Variants in SPATA6L observed in about 807,000 individuals in gnomAD.
The protein encoded by SPATA6L is spermatogenesis associated 6 like, also known as spermatogenesis associated 6-like protein.
SPATA6L carries 68 observed loss-of-function variants against 49.2 expected under a neutral mutation model. The observed-to-expected ratio is 1.38, with a 90% confidence interval of 1.14 to 1.69. The LOEUF is 1.69. Among genes scored for constraint, SPATA6L ranks in the 40% most tolerant of loss-of-function variants. The pLI, the probability that SPATA6L is intolerant of heterozygous loss-of-function variation, is 0.00. For synonymous variants in SPATA6L, 198 were observed against 165.7 expected (o/e 1.19, Z -1.50); for missense variants, 668 against 464.3 (o/e 1.44, Z -4.03).
intron 6 of SPATA6L, 72 bp from the exon 7 acceptor site, chr9:4,622,582 G>T: frequency 9.6e-7 from 1 of 1,038,414 alleles, no homozygotes; most frequent in Non-Finnish European, 1.5e-6. Flanking sequence ...TTACCGGAAT[G>T]CCTGTCTCCC....
chr9:4,620,452 T>A lies in SPATA6L; in HGVS notation c.773-1554A>T, dbSNP rs544816867. Among the ~76,000 whole-genome samples the A allele has an allele frequency of 2.6e-5, 4 of 152,278 alleles. No homozygotes were observed. In the South Asian group the frequency reaches 8.3e-4, roughly 32 times the overall value. ...CTGGAAGCTTGTTAGAAAAGGAGAATCCTAAGCTCCACCCCAGCCCTACTG... is the reference window on the plus strand; with the variant it reads ...CTGGAAGCTTGTTAGAAAAGGAGAAACCTAAGCTCCACCCCAGCCCTACTG... On this transcript the variant is annotated intron_variant, in intron 7 of 11. Transcript: ENST00000682582.
intron 3 of SPATA6L, among the ~76,000 whole-genome samples, chr9:4,647,687 T>A (rs569221500): frequency 9.3e-4 from 141 of 151,920 alleles, no homozygotes; most frequent in Non-Finnish European, 1.7e-3. Context: ...CTATGTAGAA[T>A]GACAAGAATA....
rs780878997 is a variant in SPATA6L at position 4,618,881 on chromosome 9, G to A, written c.790C>T (p.Leu264Phe). 1.9e-6 allele frequency: 3 copies of A among 1,613,058 alleles called. No individual in the cohort carries two copies. Among genetic ancestry groups the A allele is most frequent in the African/African-American group, 1.3e-5 (1 of 74,876 alleles). The change falls in exon 8 of 12, where the codon CTT (leucine) becomes TTT (phenylalanine). Residue 264 changes from leucine to phenylalanine, a missense_variant. Leu to Phe is a conservative substitution (Grantham distance 22). Transcript: ENST00000682582. Reference sequence around the variant, plus strand: ...AAAATTACCTTTACGTTAGCTGCAAGGCTGTCAAGAGAAGAAGCTAGAAGA... The same window carrying A: ...AAAATTACCTTTACGTTAGCTGCAAAGCTGTCAAGAGAAGAAGCTAGAAGA... Reference protein sequence around the residue: ...PTRRASSLDSLAANVKVIKEP... With the variant: ...PTRRASSLDSFAANVKVIKEP...
At chr9:4,590,211 ACC>A (rs1821817311) in intron 13 of SPATA6L, among the ~76,000 whole-genome samples, 1 of 152,176 alleles carries the variant, frequency 6.6e-6, no homozygotes, top group Non-Finnish European at 1.5e-5. Context: ...GGCTTGAACC[ACC>A]GTGCCTGGCT....
chr9:4,591,646 G>A (rs751559201), intron 13 of SPATA6L, among the ~76,000 whole-genome samples: 179 of 152,348 alleles, frequency 1.2e-3, no homozygotes, highest in African/African-American at 1.4e-3. Context: ...GGTTAAGGTA[G>A]AAAGAATGTG....
intron 3 of SPATA6L, among the ~76,000 whole-genome samples, chr9:4,655,554 T>TG (rs201557304): frequency 6.8e-4 from 102 of 148,958 alleles, no homozygotes; most frequent in African/African-American, 2.5e-3. Context: ...GTTTTTTTGT[T>TG]GTTTTTTTTT....
At chr9:4,649,724 A>C (rs1461694016) in intron 3 of SPATA6L, among the ~76,000 whole-genome samples, 1 of 152,226 alleles carries the variant, frequency 6.6e-6, no homozygotes. Context: ...GCATCACGTA[A>C]TTCATACTTG....
At chr9:4,590,308 G>C (rs1220439100) in intron 13 of SPATA6L, among the ~76,000 whole-genome samples, 3 of 152,202 alleles carry the variant, frequency 2.0e-5, no homozygotes, top group Non-Finnish European at 4.4e-5. Flanking sequence ...AAATGATCGG[G>C]ACATTTCTCA....
At position 4,662,983 on chromosome 9, in the gene SPATA6L, T is replaced by G. The variant is rs754231621; in HGVS notation, c.40-947A>C. ...AACCAGATGGACATGTTTGTCACTCTCTCGGTGGACAAGTACTCCTTCCCC... is the reference window on the plus strand; with the variant it reads ...AACCAGATGGACATGTTTGTCACTCGCTCGGTGGACAAGTACTCCTTCCCC... On this transcript the variant is annotated intron_variant, in intron 1 of 11. Coordinates refer to ENST00000682582, the MANE Select transcript of SPATA6L (RefSeq NM_001353486.2). This position sits in a 1 kb window ranked among gnomAD's most constrained non-coding sequence, Gnocchi z 4.9. 2 of 1,612,746 alleles carry G rather than the reference T, an allele frequency of 1.2e-6. No homozygotes were observed. Among genetic ancestry groups the G allele is most frequent in the South Asian group, 2.2e-5 (2 of 90,968 alleles).
chr9:4,625,688 A>T (rs1830218274), intron 5 of SPATA6L, 122 bp from the exon 6 acceptor site: 1 of 607,766 alleles, frequency 1.6e-6, no homozygotes, highest in African/African-American at 1.9e-5. Context: ...CACACCTCAG[A>T]TTTATAAAAC....
chr9:4,650,184 G>A (rs919930904), intron 3 of SPATA6L, among the ~76,000 whole-genome samples: 1 of 152,066 alleles, frequency 6.6e-6, no homozygotes, highest in Non-Finnish European at 1.5e-5. Context: ...CAATCTACCT[G>A]GTATGCCAGC....
intron 1 of SPATA6L, among the ~76,000 whole-genome samples, chr9:4,665,888 A>C (rs985572548): frequency 6.6e-6 from 1 of 152,222 alleles, no homozygotes; most frequent in African/African-American, 2.4e-5. Context: ...TCCTTTCACA[A>C]ATCTTTATCC....
chr9:4,635,337 G>C lies in SPATA6L; in HGVS notation c.289C>G (p.Leu97Val), dbSNP rs376618229. The C allele has an allele frequency of 5.3e-5, 85 of 1,590,494 alleles. 1 individual carries two copies. The South Asian group carries it at 8.1e-4, about 15-fold the overall frequency. Residue 97 changes from leucine to valine, a missense_variant, in exon 4 of 12, where the codon CTG becomes GTG. By Grantham distance (32) the Leu-to-Val change is conservative. Coordinates refer to ENST00000682582, the MANE Select transcript of SPATA6L (RefSeq NM_001353486.2). ...TRDFLFPEPK[L>V]TPSHPRRCRE... ...CACCTCCTAGGGTGCGAAGGTGTCA[G>C]CTTGGGCTCTGGGAAAAGAAAATCT...
intron 7 of SPATA6L, among the ~76,000 whole-genome samples, chr9:4,619,745 A>G (rs775165584): frequency 6.6e-6 from 1 of 152,176 alleles, no homozygotes; most frequent in Non-Finnish European, 1.5e-5. Context: ...GGAGAAATAT[A>G]GAACATAGCA....
intron 3 of SPATA6L, among the ~76,000 whole-genome samples, chr9:4,641,455 C>T (rs1469117174): frequency 6.6e-6 from 1 of 152,022 alleles, no homozygotes; most frequent in Non-Finnish European, 1.5e-5. Context: ...CTATGCACAT[C>T]CTCCTGTATA....
At chr9:4,647,835 GTTTTT>G (rs35475971) in intron 3 of SPATA6L, among the ~76,000 whole-genome samples, 1 of 78,040 alleles carries the variant, frequency 1.3e-5, no homozygotes, top group Non-Finnish European at 2.2e-5. Context: ...AAACATTTTA[GTTTTT>G]TTTTTTTTTT....
chr9:4,606,774 A>T (rs1305455975), intron 9 of SPATA6L, among the ~76,000 whole-genome samples: 25 of 147,974 alleles, frequency 1.7e-4, no homozygotes, highest in Admixed American at 1.6e-3. Flanking sequence ...CTCACCAGCA[A>T]TGGAACAAAG....
chr9:4,661,521 T>A (rs923152023), intron 2 of SPATA6L, among the ~76,000 whole-genome samples: 1 of 152,028 alleles, frequency 6.6e-6, no homozygotes, highest in East Asian at 1.9e-4. Context: ...TTTTTTTCGC[T>A]ATTTTTCTTG....
chr9:4,666,363 C>T lies in SPATA6L; in HGVS notation c.-113G>A. The T allele has an allele frequency of 1.8e-6, 2 of 1,114,002 alleles. No homozygotes were observed. Among genetic ancestry groups the T allele is most frequent in the Non-Finnish European group, 2.7e-6 (2 of 742,038 alleles). The allele number at this position is 1,114,002 out of a possible 1,614,324, so 69.0% of individuals were successfully genotyped here. On this transcript the variant is annotated 5_prime_UTR_variant, in exon 1 of 12. Transcript: ENST00000682582. ...TAGAGCAAATGTTCCCAGAAGCTTC[C>T]CCAGTCCCACGCCCTTGTTCCCCTA... is the stretch of plus-strand genomic sequence containing the variant.
Sources: allele counts gnomAD v4.1 joint callset (sites outside exome capture counted in the v4.1 genomes callset), GRCh38; gene constraint gnomAD v4.1.1; non-coding constraint Gnocchi (gnomAD v3.1); transcripts MANE v1.5; gene names NCBI Gene and HGNC (gene_info 2026-07-23, HGNC 2026-07-21).